Variants in LIMCH1 observed in about 807,000 individuals in gnomAD.
The protein encoded by LIMCH1 is LIM and calponin homology domains-containing protein 1.
In LIMCH1, 113 loss-of-function variants were observed where a neutral mutation model predicts 176.5. The ratio of observed to expected loss-of-function variants is 0.64; its 90% CI spans 0.55 to 0.75. LIMCH1 has a LOEUF of 0.75. LIMCH1 is among the 30% of genes least tolerant of loss of function. The probability of loss-of-function intolerance (pLI) is 0.00; values close to 1 mark genes in which losing one functional copy is unlikely to be tolerated. For synonymous variants in LIMCH1, 619 were observed against 645.9 expected, an observed-to-expected ratio of 0.96 and a Z score of 0.63; for missense variants, 1,674 against 1,814.9, an observed-to-expected ratio of 0.92 and a Z score of 1.41.
intron 1 of LIMCH1, among the ~76,000 whole-genome samples, chr4:41,415,376 A>T (rs1264674805): frequency 6.6e-6 from 1 of 152,154 alleles, no homozygotes; most frequent in Non-Finnish European, 1.5e-5. Flanking sequence ...GATAAAATAA[A>T]ATTCTTTAAA....
intron 1 of LIMCH1, among the ~76,000 whole-genome samples, chr4:41,450,178 A>G (rs1266587599): frequency 1.3e-5 from 2 of 152,256 alleles, no homozygotes; most frequent in Admixed American, 6.5e-5. Flanking sequence ...TTAAAGTTAT[A>G]TATTATTAGG....
chr4:41,611,242 A>G (rs1461937191), intron 4 of LIMCH1, among the ~76,000 whole-genome samples: 2 of 152,256 alleles, frequency 1.3e-5, no homozygotes, highest in Admixed American at 1.3e-4. Flanking sequence ...TTTGCAGCAT[A>G]GGAACAATGA....
In LIMCH1 at chr4:41,666,716, T is replaced by A. The variant is rs779356348; in HGVS notation, c.3397+50T>A. On this transcript the variant is annotated intron_variant, in intron 21 of 31. Coordinates refer to ENST00000503057, the MANE Select transcript of LIMCH1 (RefSeq NM_001330672.2). ...GGTCTGCATGTTCTGGGCCCATCTGTAGTAAACTATTACTTAATTTAAAGG... is the reference window on the plus strand; with the variant it reads ...GGTCTGCATGTTCTGGGCCCATCTGAAGTAAACTATTACTTAATTTAAAGG... 3 of 1,163,710 alleles carry A rather than the reference T, an allele frequency of 2.6e-6. No individual in the cohort carries two copies. The Admixed American group carries it at 5.1e-5, about 20-fold the overall frequency. 72.1% of individuals were successfully genotyped at this position (1,163,710 alleles called of 1,614,324 possible). A position where few individuals can be genotyped will look rare whatever the true frequency, so the allele number is the denominator to read the frequency against.
intron 2 of LIMCH1, 109 bp from the exon 3 acceptor site, chr4:41,603,766 A>C: frequency 2.8e-6 from 2 of 704,290 alleles, no homozygotes; most frequent in East Asian, 5.2e-5. Context: ...CATTCTTCTG[A>C]TTTCATTATA....
At chr4:41,398,936 A>T (rs747027045) in intron 1 of LIMCH1, among the ~76,000 whole-genome samples, 2 of 152,176 alleles carry the variant, frequency 1.3e-5, no homozygotes, top group Non-Finnish European at 2.9e-5. Context: ...TTCCTTTTTA[A>T]TTTTGGCAAA....
intron 2 of LIMCH1, among the ~76,000 whole-genome samples, chr4:41,506,387 G>A (rs1236918960): frequency 6.6e-6 from 1 of 152,222 alleles, no homozygotes; most frequent in Admixed American, 6.5e-5. Context: ...GGTTGATGGT[G>A]TAACTTTGTG....
At chr4:41,591,675 A>G (rs144746086) in intron 1 of LIMCH1, among the ~76,000 whole-genome samples, 4 of 152,342 alleles carry the variant, frequency 2.6e-5, no homozygotes, top group Non-Finnish European at 5.9e-5. Context: ...TGAGAATTAT[A>G]TGGATGCTTT....
chr4:41,613,075 A>G (rs1163348102), intron 4 of LIMCH1: 2 of 1,552,134 alleles, frequency 1.3e-6, no homozygotes, highest in African/African-American at 1.4e-5. Context: ...ACATGCAGTT[A>G]TGGATTCCGA....
At chr4:41,404,092 T>C (rs1035854843) in intron 1 of LIMCH1, among the ~76,000 whole-genome samples, 1 of 152,162 alleles carries the variant, frequency 6.6e-6, no homozygotes, top group Non-Finnish European at 1.5e-5. Context: ...ATGTGTCAGT[T>C]ACAAATGACC....
chr4:41,390,873 T>C (rs1428890739), intron 1 of LIMCH1, among the ~76,000 whole-genome samples: 2 of 152,210 alleles, frequency 1.3e-5, no homozygotes, highest in African/African-American at 4.8e-5. Context: ...TATGCTTACA[T>C]TTTATTGTCT....
chr4:41,454,450 GGAGAGA>G lies in LIMCH1; in HGVS notation c.97-40068_97-40063del, dbSNP rs58614605. Among the ~76,000 whole-genome samples the G allele has an allele frequency of 8.8e-5, 13 of 148,360 alleles. 1 individual carries two copies. The highest frequency in any genetic ancestry group is 2.7e-4 in the Admixed American group (4 of 14,808). On this transcript the variant is annotated intron_variant, in intron 1 of 26. Coordinates refer to the LIMCH1 transcript ENST00000313860. The stretch of plus-strand genomic sequence containing the variant: ...TTTTCAAATGGGTGGATGATGAGGG[GGAGAGA>G]GAGAGAGAGAGAGAGAGGGAGAGAG...
chr4:41,497,295 C>T (rs1265243367), intron 2 of LIMCH1, among the ~76,000 whole-genome samples: 1 of 150,854 alleles, frequency 6.6e-6, no homozygotes, highest in African/African-American at 2.4e-5. Flanking sequence ...TAAAAATTTC[C>T]TGAGTTGTTG....
intron 1 of LIMCH1, among the ~76,000 whole-genome samples, chr4:41,433,299 G>T (rs558336138): frequency 4.8e-4 from 73 of 152,146 alleles, no homozygotes; most frequent in African/African-American, 1.7e-3. Flanking sequence ...TTCCAGTTTT[G>T]GGGGGGAAAC....
At chr4:41,410,492 A>G (rs142140395) in intron 1 of LIMCH1, among the ~76,000 whole-genome samples, 5 of 152,226 alleles carry the variant, frequency 3.3e-5, no homozygotes, top group East Asian at 3.9e-4. Flanking sequence ...GTTTTCTTCA[A>G]TGGTCCTTCT....
chr4:41,564,775 G>T (rs1183763722), intron 1 of LIMCH1, among the ~76,000 whole-genome samples: 1 of 152,164 alleles, frequency 6.6e-6, no homozygotes, highest in African/African-American at 2.4e-5. Context: ...CATGTCAAGG[G>T]CAGGATCAGG....
intron 20 of LIMCH1, among the ~76,000 whole-genome samples, chr4:41,665,666 C>T (rs1056126005): frequency 6.6e-5 from 10 of 151,994 alleles, no homozygotes; most frequent in African/African-American, 2.4e-4. Flanking sequence ...CTGCGAGCAG[C>T]TGAAAAAAAC....
chr4:41,605,340 G>A (rs1397369103), intron 3 of LIMCH1, among the ~76,000 whole-genome samples: 2 of 152,138 alleles, frequency 1.3e-5, no homozygotes, highest in African/African-American at 2.4e-5. Flanking sequence ...TCACGACACT[G>A]CTTTCTTTTG....
At chr4:41,392,776 C>A (rs1357461223) in intron 1 of LIMCH1, among the ~76,000 whole-genome samples, 1 of 116,488 alleles carries the variant, frequency 8.6e-6, no homozygotes, top group African/African-American at 5.9e-5. Flanking sequence ...TTACCCCTGT[C>A]ATCCCAGCCT....
chr4:41,639,111 T>G, intron 14 of LIMCH1, 144 bp downstream of exon 14: 1 of 636,718 alleles, frequency 1.6e-6, no homozygotes, highest in Non-Finnish European at 2.7e-6. Flanking sequence ...GAAGTTGGAA[T>G]GCAGAGCATA....
Sources: gnomAD v4.1 joint callset for allele counts (sites outside exome capture counted in the v4.1 genomes callset) on GRCh38, gnomAD v4.1.1 for gene constraint, MANE v1.5 for transcripts, NCBI Gene and HGNC (gene_info 2026-07-23, HGNC 2026-07-21) for gene names.